Variants in EPHA6 observed in about 807,000 individuals in gnomAD.
EPHA6 encodes ephrin type-A receptor 6.
In EPHA6, 50 loss-of-function variants were observed where a neutral mutation model predicts 112.0. The ratio of observed to expected loss-of-function variants is 0.45; its 90% CI spans 0.36 to 0.56. EPHA6 has a LOEUF of 0.56. Ranked by LOEUF, EPHA6 falls within the 20% of genes least tolerant of loss-of-function variation. The pLI, the probability that EPHA6 is intolerant of heterozygous loss-of-function variation, is 0.00. For synonymous variants in EPHA6, 529 were observed against 490.7 expected, an observed-to-expected ratio of 1.08 and a Z score of -1.03; for missense variants, 1,280 against 1,417.4, an observed-to-expected ratio of 0.90 and a Z score of 1.56.
chr3:97,175,252 CTA>C (rs2076805606), intron 3 of EPHA6, among the ~76,000 whole-genome samples: 1 of 151,878 alleles, frequency 6.6e-6, no homozygotes, highest in Admixed American at 6.6e-5. Context: ...TTCCATTGGT[CTA>C]TGTTTCCATT....
intron 5 of EPHA6, among the ~76,000 whole-genome samples, chr3:97,359,704 A>G (rs1402635838): frequency 6.6e-6 from 1 of 152,078 alleles, no homozygotes; most frequent in African/African-American, 2.4e-5. Flanking sequence ...ATAGTGAGGT[A>G]AATCTGAAAA....
chr3:97,612,315 A>C (rs1291641707), intron 13 of EPHA6: 4 of 358,040 alleles, frequency 1.1e-5, no homozygotes, highest in Admixed American at 1.1e-4. Context: ...ATGACTCATC[A>C]TCTAATGATG....
intron 2 of EPHA6, among the ~76,000 whole-genome samples, chr3:96,901,402 G>A (rs906625419): frequency 1.3e-5 from 2 of 151,916 alleles, no homozygotes; most frequent in Non-Finnish European, 2.9e-5. Context: ...CCTTCCAACT[G>A]GTTATACTGT....
chr3:97,558,239 T>TGTCTG (rs746621762), intron 11 of EPHA6, among the ~76,000 whole-genome samples: 6 of 151,988 alleles, frequency 3.9e-5, no homozygotes, highest in Non-Finnish European at 8.8e-5. Flanking sequence ...AAGGCATATT[T>TGTCTG]GTCTGTAGCA....
chr3:97,029,758 A>G (rs945496191), intron 3 of EPHA6, among the ~76,000 whole-genome samples: 1 of 152,174 alleles, frequency 6.6e-6, no homozygotes, highest in South Asian at 2.1e-4. Context: ...AAAGAACAAG[A>G]ACAATAGTTT....
intron 2 of EPHA6, among the ~76,000 whole-genome samples, chr3:96,898,128 A>G (rs2038383666): frequency 6.6e-6 from 1 of 152,222 alleles, no homozygotes; most frequent in South Asian, 2.1e-4. Flanking sequence ...CATGGAAAAC[A>G]CCTATTAAAA....
intron 7 of EPHA6, among the ~76,000 whole-genome samples, chr3:97,470,714 A>C (rs2091204737): frequency 6.6e-6 from 1 of 151,584 alleles, no homozygotes. Flanking sequence ...TAATGTCATC[A>C]CAACTTATGC....
chr3:97,408,421 C>A (rs2087501574), intron 6 of EPHA6, among the ~76,000 whole-genome samples: 1 of 152,010 alleles, frequency 6.6e-6, no homozygotes, highest in South Asian at 2.1e-4. Flanking sequence ...CTCCTCCCTA[C>A]TTTTCCCTCT....
intron 3 of EPHA6, among the ~76,000 whole-genome samples, chr3:97,089,770 G>A (rs1330948355): frequency 6.6e-6 from 1 of 151,942 alleles, no homozygotes. Context: ...AGTAGGAAGT[G>A]ACTTCCCTAG....
At chr3:96,928,918 G>T (rs964849588) in intron 2 of EPHA6, among the ~76,000 whole-genome samples, 2 of 152,012 alleles carry the variant, frequency 1.3e-5, no homozygotes, top group Non-Finnish European at 2.9e-5. Flanking sequence ...AAAGTCTTTT[G>T]TCAAAAACTA....
At chr3:97,565,133 G>A (rs929357275) in intron 11 of EPHA6, among the ~76,000 whole-genome samples, 2 of 151,996 alleles carry the variant, frequency 1.3e-5, no homozygotes, top group African/African-American at 4.8e-5. Context: ...AGTTTCACAA[G>A]CACAGAAAGA....
At chr3:97,284,381 C>T (rs572662061) in intron 5 of EPHA6, among the ~76,000 whole-genome samples, 6 of 152,030 alleles carry the variant, frequency 3.9e-5, no homozygotes, top group Non-Finnish European at 7.4e-5. Flanking sequence ...AAAGTAATCC[C>T]TCATTTCTCT....
chr3:97,163,726 A>G (rs2076471296), intron 3 of EPHA6, among the ~76,000 whole-genome samples: 1 of 152,146 alleles, frequency 6.6e-6, no homozygotes, highest in African/African-American at 2.4e-5. Context: ...GGCAGCTTTC[A>G]TGCCAGGGAG....
intron 14 of EPHA6, among the ~76,000 whole-genome samples, chr3:97,652,525 A>G (rs966108238): frequency 6.6e-6 from 1 of 152,094 alleles, no homozygotes; most frequent in Non-Finnish European, 1.5e-5. Context: ...TAAATATAAT[A>G]GAAGTGAGAT....
At chr3:97,478,010 A>G (rs1256644144) in intron 8 of EPHA6, among the ~76,000 whole-genome samples, 2 of 152,006 alleles carry the variant, frequency 1.3e-5, no homozygotes, top group African/African-American at 2.4e-5. Flanking sequence ...TTTTCTTATT[A>G]TTATACTTTA....
At chr3:97,429,935 T>G (rs2089400380) in intron 6 of EPHA6, among the ~76,000 whole-genome samples, 1 of 152,190 alleles carries the variant, frequency 6.6e-6, no homozygotes, top group South Asian at 2.1e-4. Flanking sequence ...AGTCAGAGTC[T>G]TGTTACCATG....
intron 3 of EPHA6, among the ~76,000 whole-genome samples, chr3:97,062,548 C>T (rs2046054564): frequency 6.6e-6 from 1 of 152,156 alleles, no homozygotes. Flanking sequence ...GGGTCTGCCC[C>T]AACCCAAATC....
intron 15 of EPHA6, among the ~76,000 whole-genome samples, chr3:97,727,175 C>T (rs2034810640): frequency 6.6e-6 from 1 of 151,908 alleles, no homozygotes; most frequent in Non-Finnish European, 1.5e-5. Context: ...CAGGATGCTT[C>T]CTTGGTGTTT....
intron 1 of EPHA6, among the ~76,000 whole-genome samples, chr3:96,825,905 A>G (rs1024664435): frequency 2.0e-5 from 3 of 151,810 alleles, no homozygotes; most frequent in South Asian, 2.1e-4. Context: ...AATTAAAGAT[A>G]TTTTGGTAAA....
Sources: gnomAD v4.1 joint callset for allele counts (sites outside exome capture counted in the v4.1 genomes callset) on GRCh38, gnomAD v4.1.1 for gene constraint, MANE v1.5 for transcripts, NCBI Gene and HGNC (gene_info 2026-07-23, HGNC 2026-07-21) for gene names.